CSMD2: variants seen among roughly 807,000 people sequenced by gnomAD.
CSMD2 encodes the protein CUB and sushi domain-containing protein 2.
A neutral mutation model predicts 398.5 loss-of-function variants in CSMD2; 130 were observed. The observed-to-expected ratio is 0.33, with a 90% CI of 0.28 to 0.38. The LOEUF is 0.38. Ranked by LOEUF, CSMD2 falls within the 10% of genes least tolerant of loss-of-function variation. The probability of loss-of-function intolerance (pLI) is 1.00; values close to 1 mark genes in which losing one functional copy is unlikely to be tolerated. For missense variants in CSMD2, 3,829 were observed against 4,764.9 expected (o/e 0.80, Z 5.78); for synonymous variants, 1,828 against 1,908.5 (o/e 0.96, Z 1.10).
chr1:33,932,269 T>C (rs1414087942), intron 4 of CSMD2, among the ~76,000 whole-genome samples: 1 of 152,080 alleles, frequency 6.6e-6, no homozygotes, highest in East Asian at 1.9e-4. Flanking sequence ...GGGTTGGAGG[T>C]GGGGATTGGA....
chr1:34,022,012 T>G (rs1233228161), intron 3 of CSMD2, among the ~76,000 whole-genome samples: 1 of 152,196 alleles, frequency 6.6e-6, no homozygotes, highest in Non-Finnish European at 1.5e-5. Context: ...AAGCTGGATC[T>G]TACGACTGGG....
At chr1:34,121,280 TC>T (rs1226736643) in intron 1 of CSMD2, among the ~76,000 whole-genome samples, 2 of 152,188 alleles carry the variant, frequency 1.3e-5, no homozygotes, top group African/African-American at 4.8e-5. Flanking sequence ...AGATGTCTTT[TC>T]ATTGGGCTTG....
At chr1:34,036,720 G>A (rs191571758) in intron 2 of CSMD2, among the ~76,000 whole-genome samples, 179 of 152,280 alleles carry the variant, frequency 1.2e-3, no homozygotes, top group Middle Eastern at 6.8e-3. Flanking sequence ...GTAACTATTG[G>A]AGGAAACTGG....
intron 2 of CSMD2, among the ~76,000 whole-genome samples, chr1:34,072,281 T>C (rs1269576833): frequency 6.6e-6 from 1 of 152,220 alleles, no homozygotes; most frequent in Admixed American, 6.5e-5. Context: ...AAGTGTTTAT[T>C]TGGGTACCGT....
At chr1:33,560,375 GATGTGGTATTTGCAGGCCACC>G (rs1171646807) in intron 53 of CSMD2, among the ~76,000 whole-genome samples, 3 of 152,212 alleles carry the variant, frequency 2.0e-5, no homozygotes, top group Non-Finnish European at 4.4e-5. Flanking sequence ...AGAGAAAAGG[GATGTGGTATTTGCAGGCCACC>G]ATGCTTATCC....
chr1:33,707,486 G>A (rs1292333642), intron 22 of CSMD2, among the ~76,000 whole-genome samples: 1 of 152,284 alleles, frequency 6.6e-6, no homozygotes, highest in South Asian at 2.1e-4. Context: ...TAAAACCCTT[G>A]TCTTGTATTC....
intron 13 of CSMD2, among the ~76,000 whole-genome samples, chr1:33,746,439 A>G (rs1569681801): frequency 1.3e-5 from 2 of 152,288 alleles, no homozygotes; most frequent in South Asian, 4.2e-4. Context: ...GCAGAGGACT[A>G]TTTAATTAAT....
At chr1:33,569,271 T>C (rs900287008) in intron 52 of CSMD2, 103 bp downstream of exon 52, 30 of 1,224,296 alleles carry the variant, frequency 2.5e-5, no homozygotes, top group Non-Finnish European at 3.2e-5. Flanking sequence ...TTTATGTCAA[T>C]AGGTGAAATG....
At chr1:33,913,757 A>G (rs1222685011) in intron 5 of CSMD2, among the ~76,000 whole-genome samples, 2 of 152,096 alleles carry the variant, frequency 1.3e-5, no homozygotes. Context: ...GAAACTGCAC[A>G]AACTTCCTCT....
chr1:33,587,293 T>G, intron 44 of CSMD2, 125 bp from the exon 45 acceptor site: 1 of 722,496 alleles, frequency 1.4e-6, no homozygotes, highest in Non-Finnish European at 2.2e-6. Flanking sequence ...CATGAGTACT[T>G]ATCTGTAAAC....
At chr1:34,089,514 T>C (rs948685012) in intron 1 of CSMD2, among the ~76,000 whole-genome samples, 8 of 152,206 alleles carry the variant, frequency 5.3e-5, no homozygotes, top group African/African-American at 1.9e-4. Flanking sequence ...ACTTCCCCTC[T>C]ACAACATGGA....
In CSMD2 at chr1:33,533,650, C is replaced by T. The variant is rs1356314251; in HGVS notation, c.9991+146G>A. On this transcript the variant is annotated intron_variant, in intron 63 of 70. Coordinates refer to ENST00000373381, the MANE Select transcript of CSMD2 (RefSeq NM_001281956.2). This position sits in a 1 kb window ranked among gnomAD's most constrained non-coding sequence, Gnocchi z 4.2. ...TTGTGTGGAAGTCTTCTGTGAGGCCCCAAAGTGTAAGGACTACAAAGAGAC... is the reference window on the plus strand; with the variant it reads ...TTGTGTGGAAGTCTTCTGTGAGGCCTCAAAGTGTAAGGACTACAAAGAGAC... 8.0e-6 allele frequency: 5 copies of T among 621,956 alleles called. No individual in the cohort carries two copies. The highest frequency in any genetic ancestry group is 1.5e-5 in the Non-Finnish European group (5 of 343,800). 38.5% of individuals were successfully genotyped at this position (621,956 alleles called of 1,614,324 possible).
chr1:33,808,986 AAAC>A (rs889012920), intron 10 of CSMD2, among the ~76,000 whole-genome samples: 6 of 151,574 alleles, frequency 4.0e-5, no homozygotes, highest in Admixed American at 2.0e-4. Flanking sequence ...AAGAAAAAAA[AAAC>A]AGATGACCAA....
At chr1:33,654,031 A>G (rs1193580196) in intron 27 of CSMD2, among the ~76,000 whole-genome samples, 1 of 152,172 alleles carries the variant, frequency 6.6e-6, no homozygotes, top group African/African-American at 2.4e-5. Flanking sequence ...GGGCTGGGTC[A>G]ATCCCTAACA....
chr1:33,863,321 T>C (rs565608768), intron 5 of CSMD2: 1 of 152,338 alleles, frequency 6.6e-6, no homozygotes, highest in South Asian at 2.1e-4. Flanking sequence ...AGTTTGAGTG[T>C]AGCTGTTACA....
intron 2 of CSMD2, among the ~76,000 whole-genome samples, chr1:34,039,570 G>A (rs563831300): frequency 6.6e-6 from 1 of 152,302 alleles, no homozygotes; most frequent in African/African-American, 2.4e-5. Context: ...AGATAACACA[G>A]TTTCCTAGAG....
chr1:33,832,082 T>A (rs1659644423), intron 6 of CSMD2, among the ~76,000 whole-genome samples: 1 of 139,674 alleles, frequency 7.2e-6, no homozygotes, highest in African/African-American at 2.8e-5. Flanking sequence ...AACACCCCAC[T>A]GTCAATATTA....
intron 62 of CSMD2, among the ~76,000 whole-genome samples, chr1:33,535,265 C>G (rs1655658388): frequency 6.6e-6 from 1 of 152,218 alleles, no homozygotes; most frequent in African/African-American, 2.4e-5. Context: ...TCTAGGGGCT[C>G]TTTCCCTGCT....
rs181207782 is a variant in CSMD2, at chr1:33,829,680, G to A, written c.1034-3906C>T. Among the ~76,000 whole-genome samples the A allele has an allele frequency of 6.8e-4, 103 of 152,314 alleles. 1 individual carries two copies. The highest frequency in any genetic ancestry group is 2.2e-3 in the African/African-American group (91 of 41,588). Reference sequence around the variant, plus strand: ...CGCAGGACAGTGGGTGCAGCGCACCGTGCATGAGCCAAAGCAGGGTGAGGC... The same window carrying A: ...CGCAGGACAGTGGGTGCAGCGCACCATGCATGAGCCAAAGCAGGGTGAGGC... On this transcript the variant is annotated intron_variant, in intron 6 of 70. Coordinates refer to ENST00000373381, the MANE Select transcript of CSMD2 (RefSeq NM_001281956.2).
Sources: allele counts gnomAD v4.1 joint callset (sites outside exome capture counted in the v4.1 genomes callset), GRCh38; gene constraint gnomAD v4.1.1; non-coding constraint Gnocchi (gnomAD v3.1); transcripts MANE v1.5; gene names NCBI Gene and HGNC (gene_info 2026-07-23, HGNC 2026-07-21).